The following SRPK2 variants were observed in gnomAD, a reference collection of about 807,000 sequenced individuals.
SRPK2 encodes the protein SFRS protein kinase 2.
In SRPK2, 21 loss-of-function variants were observed where a neutral mutation model predicts 90.8. That is an observed-to-expected ratio of 0.23 (90% CI 0.16 to 0.33). The LOEUF (loss-of-function observed/expected upper bound fraction) is 0.33, where lower values mean the gene tolerates loss of function less well. SRPK2 is among the 10% of genes least tolerant of loss of function. The pLI is 1.00. For synonymous variants in SRPK2, 288 were observed against 311.1 expected, an observed-to-expected ratio of 0.93 and a Z score of 0.78; for missense variants, 620 against 869.0, an observed-to-expected ratio of 0.71 and a Z score of 3.60.
At chr7:105,297,916 G>GT (rs1434198479) in intron 2 of SRPK2, among the ~76,000 whole-genome samples, 1 of 151,834 alleles carries the variant, frequency 6.6e-6, no homozygotes, top group Non-Finnish European at 1.5e-5. Flanking sequence ...TAATTTTTGT[G>GT]TTTTTAGTAG....
At chr7:105,178,272 C>CT (rs1325221529) in intron 3 of SRPK2, among the ~76,000 whole-genome samples, 6 of 152,082 alleles carry the variant, frequency 3.9e-5, no homozygotes, top group Admixed American at 3.9e-4. Flanking sequence ...TTTAAAAGCA[C>CT]TTAGTAGCAA....
intron 2 of SRPK2, among the ~76,000 whole-genome samples, chr7:105,212,926 A>T (rs1346227081): frequency 6.6e-6 from 1 of 152,208 alleles, no homozygotes; most frequent in African/African-American, 2.4e-5. Flanking sequence ...TTCCATAAAC[A>T]ATTAGGTATT....
In SRPK2 at chr7:105,359,642, G is replaced by C. The variant is rs536724539; in HGVS notation, c.71+29006C>G. ...CTCATCGTCTGGCAGTGGTATGGAA[G>C]CACTCATTTCCATCAAGTCATCTGA... is the stretch of plus-strand genomic sequence containing the variant. On this transcript the variant is annotated intron_variant, in intron 2 of 15. Transcript: ENST00000393651. Among the ~76,000 whole-genome samples, 13 of 152,296 alleles carry C rather than the reference G, an allele frequency of 8.5e-5. No individual in the cohort carries two copies. In the South Asian group the frequency reaches 2.5e-3, roughly 29 times the overall value.
intron 7 of SRPK2, among the ~76,000 whole-genome samples, chr7:105,158,813 T>TG (rs1198715026): frequency 7.2e-5 from 9 of 125,548 alleles, no homozygotes; most frequent in African/African-American, 1.6e-4. Context: ...TTTTTTTGTG[T>TG]TTTTTTTTTT....
At chr7:105,152,056 A>G (rs1234318401) in intron 7 of SRPK2, among the ~76,000 whole-genome samples, 2 of 151,580 alleles carry the variant, frequency 1.3e-5, no homozygotes, top group African/African-American at 4.8e-5. Flanking sequence ...TCTGGGTCTC[A>G]GTTGTTTCCA....
chr7:105,117,205 G>C lies in SRPK2; in HGVS notation c.*633C>G, dbSNP rs1348389744. The C allele has an allele frequency of 6.6e-6, 1 of 152,310 alleles. No homozygotes were observed. Among genetic ancestry groups the C allele is most frequent in the Non-Finnish European group, 1.5e-5 (1 of 68,046 alleles). 9.4% of individuals were successfully genotyped at this position (152,310 alleles called of 1,614,324 possible). A position where few individuals can be genotyped will look rare whatever the true frequency, so the allele number is the denominator to read the frequency against. Reference sequence around the variant, plus strand: ...CTTTGTTTAAAATCCAATGTGAAAAGACTGTTATGGAATGAAAAGTTTGCA... The same window carrying C: ...CTTTGTTTAAAATCCAATGTGAAAACACTGTTATGGAATGAAAAGTTTGCA... On this transcript the variant is annotated 3_prime_UTR_variant, in exon 16 of 16. Transcript: ENST00000393651.
intron 2 of SRPK2, chr7:105,245,034 A>AACAC (rs58717493): frequency 0.043 from 22,273 of 520,628 alleles, 246 homozygotes; most frequent in South Asian, 0.057. Context: ...AAACAAAACA[A>AACAC]ACACACACAC....
intron 2 of SRPK2, among the ~76,000 whole-genome samples, chr7:105,241,361 C>A (rs1238753015): frequency 2.6e-5 from 4 of 152,172 alleles, no homozygotes; most frequent in African/African-American, 9.7e-5. Context: ...AGAAGGTTAC[C>A]TATTTGCCCT....
At chr7:105,176,771 G>GTA (rs1395164189) in intron 3 of SRPK2, among the ~76,000 whole-genome samples, 6 of 149,340 alleles carry the variant, frequency 4.0e-5, no homozygotes, top group African/African-American at 1.2e-4. Flanking sequence ...GTGTGTGTGT[G>GTA]TGTATATATA....
intron 2 of SRPK2, among the ~76,000 whole-genome samples, chr7:105,276,059 G>T (rs891344219): frequency 6.6e-6 from 1 of 151,334 alleles, no homozygotes; most frequent in African/African-American, 2.4e-5. Context: ...TTTGTTTGGG[G>T]TGTACATGAG....
chr7:105,211,096 G>T (rs1281067764), intron 2 of SRPK2, among the ~76,000 whole-genome samples: 1 of 152,198 alleles, frequency 6.6e-6, no homozygotes. Flanking sequence ...CTACAAAACT[G>T]TGAGTTAATA....
chr7:105,164,944 C>T (rs1423982316), intron 6 of SRPK2, among the ~76,000 whole-genome samples: 2 of 152,200 alleles, frequency 1.3e-5, no homozygotes, highest in Non-Finnish European at 2.9e-5. Flanking sequence ...CAGTCATGTG[C>T]CTCTGAGTAA....
chr7:105,179,246 T>C (rs1792414554), intron 3 of SRPK2, among the ~76,000 whole-genome samples: 1 of 152,220 alleles, frequency 6.6e-6, no homozygotes, highest in African/African-American at 2.4e-5. Flanking sequence ...TTTACTACTA[T>C]AACATTAAGC....
intron 2 of SRPK2, among the ~76,000 whole-genome samples, chr7:105,260,686 T>C (rs748883178): frequency 1.1e-4 from 17 of 152,190 alleles, no homozygotes; most frequent in Non-Finnish European, 2.1e-4. Context: ...ATGTACATCA[T>C]GGAATACTAT....
At chr7:105,354,799 T>C (rs1817601951) in intron 2 of SRPK2, among the ~76,000 whole-genome samples, 1 of 152,160 alleles carries the variant, frequency 6.6e-6, no homozygotes, top group Non-Finnish European at 1.5e-5. Flanking sequence ...ATGACTTCAG[T>C]ATATTCACAG....
chr7:105,213,831 C>A (rs891577756), intron 2 of SRPK2, among the ~76,000 whole-genome samples: 24 of 152,148 alleles, frequency 1.6e-4, no homozygotes, highest in Non-Finnish European at 5.9e-5. Context: ...TTGCCTCATG[C>A]TATTCAGGAA....
At chr7:105,394,987 A>G (rs1220151212) in intron 1 of SRPK2, among the ~76,000 whole-genome samples, 1 of 152,176 alleles carries the variant, frequency 6.6e-6, no homozygotes, top group East Asian at 1.9e-4. Flanking sequence ...ATCCTGGCCA[A>G]CAAGGTGAAA....
intron 2 of SRPK2, among the ~76,000 whole-genome samples, chr7:105,291,894 T>A (rs1383561286): frequency 6.6e-6 from 1 of 152,244 alleles, no homozygotes; most frequent in Non-Finnish European, 1.5e-5. Context: ...TTATTATTCT[T>A]TATGCTTATA....
chr7:105,171,691 T>C (rs1198410834), intron 3 of SRPK2, among the ~76,000 whole-genome samples: 1 of 152,212 alleles, frequency 6.6e-6, no homozygotes, highest in Non-Finnish European at 1.5e-5. Context: ...CGTGAGATTC[T>C]TACCCTTCTA....
Sources: allele counts gnomAD v4.1 joint callset (sites outside exome capture counted in the v4.1 genomes callset), GRCh38; gene constraint gnomAD v4.1.1; transcripts MANE v1.5; gene names NCBI Gene and HGNC (gene_info 2026-07-23, HGNC 2026-07-21).